PTPN7: variants seen among roughly 807,000 people sequenced by gnomAD.
PTPN7 encodes tyrosine-protein phosphatase non-receptor type 7.
In PTPN7, 33 loss-of-function variants were observed where a neutral mutation model predicts 50.3. The ratio of observed to expected loss-of-function variants is 0.66; its 90% CI spans 0.50 to 0.88. The LOEUF is 0.88. Among genes scored for constraint, PTPN7 ranks in the 40% least tolerant of loss-of-function variants. The pLI, the probability that PTPN7 is intolerant of heterozygous loss-of-function variation, is 0.00. For missense variants in PTPN7, 412 were observed against 475.4 expected, an observed-to-expected ratio of 0.87 and a Z score of 1.24; for synonymous variants, 185 against 186.6, an observed-to-expected ratio of 0.99 and a Z score of 0.07.
At chr1:202,151,905 C>T (rs1158618811) in intron 8 of PTPN7, among the ~76,000 whole-genome samples, 1 of 152,184 alleles carries the variant, frequency 6.6e-6, no homozygotes, top group Non-Finnish European at 1.5e-5. Context: ...GCAGCTAACA[C>T]CGTGCCTGAC....
At chr1:202,160,691 G>A (rs867492199), upstream of PTPN7, 9 of 1,550,464 alleles carry the variant, frequency 5.8e-6, no homozygotes, top group Middle Eastern at 1.2e-3. The surrounding 1 kb of genome is among the most constrained non-coding windows in gnomAD (Gnocchi z 4.8). Context: ...GCTGCATTCT[G>A]CCCTCCTGTG....
rs768598942 is a variant in PTPN7 at position 202,152,622 on chromosome 1, C to A, written c.795G>T (p.Gly265=). 27 of 1,613,994 alleles carry A rather than the reference C, an allele frequency of 1.7e-5. No individual in the cohort carries two copies. The South Asian group carries it at 2.9e-4, about 17-fold the overall frequency. The stretch of plus-strand genomic sequence containing the variant: ...CCTCTGCCACTAGGCGCAGCAGGGG[C>A]CCAGCTGATTCTGGTGTCTGATGGT... The part of the protein sequence containing the change: ...WPDHQTPESA[G]PLLRLVAEVE... The change falls in exon 8 of 10, where the codon GGG becomes GGT. Residue 265 remains glycine, a synonymous_variant. Coordinates refer to ENST00000691036, the MANE Select transcript of PTPN7 (RefSeq NM_002832.4).
chr1:202,157,063 T>C (rs1487472697), intron 4 of PTPN7, among the ~76,000 whole-genome samples: 1 of 152,146 alleles, frequency 6.6e-6, no homozygotes, highest in Non-Finnish European at 1.5e-5. Flanking sequence ...GCATTTCCCA[T>C]GCAAGAGGAA....
Position 202,148,587 on chromosome 1 carries a change from CA to C in PTPN7, c.*18del, listed in dbSNP as rs1445420618. The C allele has an allele frequency of 2.5e-6, 4 of 1,610,338 alleles. No homozygotes were observed. Among genetic ancestry groups the C allele is most frequent in the Non-Finnish European group, 3.4e-6 (4 of 1,177,252 alleles). ...GCTTGAGGGAGGTAGGCACCTGGGCCACCGGAGGGTGGCAGGGGTCAGGGGC... is the reference window on the plus strand; with the variant it reads ...GCTTGAGGGAGGTAGGCACCTGGGCCCCGGAGGGTGGCAGGGGTCAGGGGC... On this transcript the variant is annotated 3_prime_UTR_variant, in exon 10 of 10. Transcript: ENST00000691036.
chr1:202,157,680 G>C, intron 4 of PTPN7, 59 bp downstream of exon 4: 1 of 1,498,904 alleles, frequency 6.7e-7, no homozygotes, highest in Non-Finnish European at 9.3e-7. Context: ...TTTGTCCTCT[G>C]AAGTTCTCTA....
chr1:202,148,650 A>C lies in PTPN7; in HGVS notation c.1039T>G (p.Leu347Val). Residue 347 changes from leucine to valine, a missense_variant, in exon 10 of 10, where the codon TTG becomes GTG. Leu to Val is a conservative substitution (Grantham distance 32). Transcript: ENST00000691036. The part of the protein sequence containing the change: ...AEQYQFLHHT[L>V]ALYAGQLPEE... ...GGCAGCTGGCCTGCATACAGGGCCA[A>C]AGTGTGGTGCAGGAACTGGTACTGC... 6.2e-7 allele frequency: 1 copy of C among 1,613,916 alleles called. No homozygotes were observed. The highest frequency in any genetic ancestry group is 8.5e-7 in the Non-Finnish European group (1 of 1,179,912).
chr1:202,155,061 C>T lies in PTPN7; in HGVS notation c.468+472G>A, dbSNP rs371370089. Among the ~76,000 whole-genome samples, 21 of 152,308 alleles carry T rather than the reference C, an allele frequency of 1.4e-4. 1 individual carries two copies. The highest frequency in any genetic ancestry group is 4.8e-4 in the African/African-American group (20 of 41,576). Reference sequence around the variant, plus strand: ...AGGGCCCACAGCAGCGAGAAGCTGGCGTGGAACACCCACCTGGCCTGGAGC... The same window carrying T: ...AGGGCCCACAGCAGCGAGAAGCTGGTGTGGAACACCCACCTGGCCTGGAGC... On this transcript the variant is annotated intron_variant, in intron 5 of 9. Coordinates refer to ENST00000691036, the MANE Select transcript of PTPN7 (RefSeq NM_002832.4).
At chr1:202,154,133 G>A (rs199937157) in intron 6 of PTPN7, 53 bp downstream of exon 6, 587 of 1,609,324 alleles carry the variant, frequency 3.6e-4, no homozygotes, top group Middle Eastern at 3.9e-4. Flanking sequence ...GGTGGGGGTG[G>A]GGTGGGCATA....
intron 4 of PTPN7, among the ~76,000 whole-genome samples, chr1:202,155,921 G>GGCTT (rs1182538335): frequency 3.3e-5 from 5 of 152,082 alleles, no homozygotes; most frequent in Non-Finnish European, 7.4e-5. Flanking sequence ...CACCACACCT[G>GGCTT]GCTTGCTTAT....
chr1:202,158,926 G>T (rs1306529612), intron 2 of PTPN7: 1 of 251,800 alleles, frequency 4.0e-6, no homozygotes, highest in Non-Finnish European at 7.8e-6. Context: ...GCCTGGCTCA[G>T]CCCTCTCCCT....
rs1479349262 is a variant in PTPN7 at position 202,154,293 on chromosome 1, C to T, written c.499G>A (p.Ala167Thr). 1 of 1,613,698 alleles carries T rather than the reference C, an allele frequency of 6.2e-7. No homozygotes were observed. The highest frequency in any genetic ancestry group is 8.5e-7 in the Non-Finnish European group (1 of 1,179,896). Residue 167 changes from alanine to threonine, a missense_variant, in exon 6 of 10, where the codon GCC (alanine) becomes ACC (threonine). Ala to Thr is a moderately conservative substitution (Grantham distance 58, BLOSUM62 0). Transcript: ENST00000691036. Reference protein sequence around the residue: ...GYDGKEKVYIATQGPMPNTVS... With the variant: ...GYDGKEKVYITTQGPMPNTVS... ...GTGTTGGGCATGGGGCCCTGGGTGG[C>T]AATGTAGACCTTCTCCTTCCCGTCA...
rs1656889930 is a variant in PTPN7 at position 202,158,102 on chromosome 1, G to A, written c.306+16C>T. On this transcript the variant is annotated intron_variant, in intron 3 of 9. Coordinates refer to ENST00000691036, the MANE Select transcript of PTPN7 (RefSeq NM_002832.4). ...ACAGAGGGCAGAGCGATTCAGAGGG[G>A]ACCCCAATTTCTTACCAAGAATTCT... The A allele has an allele frequency of 6.4e-7, 1 of 1,574,754 alleles. No individual in the cohort carries two copies. The highest frequency in any genetic ancestry group is 2.2e-5 in the East Asian group (1 of 44,670).
rs751920223 is a variant in PTPN7 at position 202,155,563 on chromosome 1, G to A, written c.438C>T (p.Asp146=). 25 of 1,571,968 alleles carry A rather than the reference G, an allele frequency of 1.6e-5. No homozygotes were observed. The highest frequency in any genetic ancestry group is 1.7e-4 in the Middle Eastern group (1 of 6,004). ...TGTAGTTGGCATTGATGTAATCTCC[G>A]TCCTCCTGGCTCTGTGCCCGGCCTA... ...VCLGRAQSQE[D]GDYINANYIR... Residue 146 remains aspartate (D), a synonymous_variant, in exon 5 of 10, where the codon GAC becomes GAT. Transcript: ENST00000691036.
intron 5 of PTPN7, among the ~76,000 whole-genome samples, chr1:202,155,003 A>G (rs1656490083): frequency 6.6e-6 from 1 of 152,148 alleles, no homozygotes; most frequent in Non-Finnish European, 1.5e-5. Flanking sequence ...ACCCACATTG[A>G]GTCACTAGAG....
rs753851343 is a variant in PTPN7 at position 202,159,244 on chromosome 1, A to G, written c.122+37T>C. The G allele has an allele frequency of 5.6e-6, 9 of 1,595,138 alleles. No homozygotes were observed. The highest frequency in any genetic ancestry group is 6.9e-6 in the Non-Finnish European group (8 of 1,164,552). On this transcript the variant is annotated intron_variant, in intron 2 of 9. Transcript: ENST00000691036. This position sits in a 1 kb window ranked among gnomAD's most constrained non-coding sequence, Gnocchi z 4.6. ...GAAGGGAGGAGCGGAATGGGGGCTCAGGGCTCGGAAGACCCCTCCCCCAGG... is the reference window on the plus strand; with the variant it reads ...GAAGGGAGGAGCGGAATGGGGGCTCGGGGCTCGGAAGACCCCTCCCCCAGG...
intron 4 of PTPN7, among the ~76,000 whole-genome samples, chr1:202,156,973 C>T (rs1196932450): frequency 2.6e-5 from 4 of 152,212 alleles, no homozygotes; most frequent in Admixed American, 2.0e-4. Flanking sequence ...GGCCGTTGCC[C>T]TGTCTCCATC....
At chr1:202,160,728 G>C (rs1286835412), upstream of PTPN7, 4 of 1,550,358 alleles carry the variant, frequency 2.6e-6, no homozygotes, top group Non-Finnish European at 3.5e-6. The surrounding 1 kb of genome is among the most constrained non-coding windows in gnomAD (Gnocchi z 4.8). Flanking sequence ...CCAGGGGTCG[G>C]CTGCCTCCCG....
At chr1:202,153,635 C>T (rs1466044832) in intron 7 of PTPN7, 90 bp downstream of exon 7, 1 of 1,046,236 alleles carries the variant, frequency 9.6e-7, no homozygotes. Flanking sequence ...AAGAGCAAAC[C>T]CTTGGCTCCT....
rs1656548362 is a variant in PTPN7 at position 202,155,436 on chromosome 1, A to G, written c.468+97T>C. 6.5e-6 allele frequency: 8 copies of G among 1,223,148 alleles called. No individual in the cohort carries two copies. The South Asian group carries it at 1.1e-4, about 16-fold the overall frequency. The allele number at this position is 1,223,148 out of a possible 1,614,324, so 75.8% of individuals were successfully genotyped here. A position where few individuals can be genotyped will look rare whatever the true frequency, so the allele number is the denominator to read the frequency against. ...TGAGCTGGAGCAGGGAGGGTAGGAA[A>G]TGCAGGCACCTGATCCACCAGCCAT... On this transcript the variant is annotated intron_variant, in intron 5 of 9. Coordinates refer to ENST00000691036, the MANE Select transcript of PTPN7 (RefSeq NM_002832.4).
Sources: gnomAD v4.1 joint callset for allele counts (sites outside exome capture counted in the v4.1 genomes callset) on GRCh38, gnomAD v4.1.1 for gene constraint, Gnocchi (gnomAD v3.1) non-coding constraint, MANE v1.5 for transcripts, NCBI Gene and HGNC (gene_info 2026-07-23, HGNC 2026-07-21) for gene names.